SYNRG: variants seen among roughly 807,000 people sequenced by gnomAD.
The protein encoded by SYNRG is AP1 gamma subunit binding protein 1.
Under a neutral mutation model 130.9 loss-of-function variants are expected in SYNRG, and 37 were observed. The ratio of observed to expected loss-of-function variants is 0.28; its 90% CI spans 0.22 to 0.37. SYNRG has a LOEUF of 0.37. Ranked by LOEUF, SYNRG falls within the 10% of genes least tolerant of loss-of-function variation. SYNRG has a pLI of 1.00. For missense variants in SYNRG, 1,338 were observed against 1,588.9 expected (o/e 0.84, Z 2.68); for synonymous variants, 539 against 568.1 (o/e 0.95, Z 0.73).
At chr17:37,603,603 A>G (rs974065727) in intron 1 of SYNRG, among the ~76,000 whole-genome samples, 1 of 152,326 alleles carries the variant, frequency 6.6e-6, no homozygotes, top group Admixed American at 6.5e-5. Flanking sequence ...TTGCCATCAG[A>G]GCTCTTGGGT....
chr17:37,579,151 TGAGGCTGAAGCAGTA>T, intron 6 of SYNRG: 1 of 1,198,992 alleles, frequency 8.3e-7, no homozygotes, highest in South Asian at 1.6e-5. Flanking sequence ...GTACACTGTG[TGAGGCTGAAGCAGTA>T]GAGAAGTAAG....
In SYNRG at chr17:37,517,794, G is replaced by A. The variant is rs1568224729; in HGVS notation, c.*1146C>T. 1 of 151,854 alleles carries A rather than the reference G, an allele frequency of 6.6e-6. No homozygotes were observed. The highest frequency in any genetic ancestry group is 1.5e-5 in the Non-Finnish European group (1 of 67,994). 9.4% of individuals were successfully genotyped at this position (151,854 alleles called of 1,614,324 possible). A position where few individuals can be genotyped will look rare whatever the true frequency, so the allele number is the denominator to read the frequency against. On this transcript the variant is annotated 3_prime_UTR_variant, in exon 22 of 22. Transcript: ENST00000612223. ...GAGAGACGTGTGCCCTAGATTGGTAGTTCTTCCCAGGAATAACACAGCTCT... is the reference window on the plus strand; with the variant it reads ...GAGAGACGTGTGCCCTAGATTGGTAATTCTTCCCAGGAATAACACAGCTCT...
chr17:37,538,289 C>A, intron 18 of SYNRG, 35 bp downstream of exon 18: 1 of 1,440,072 alleles, frequency 6.9e-7, no homozygotes, highest in Non-Finnish European at 9.5e-7. Flanking sequence ...TGCAAAGGGC[C>A]ATCATTTTCA....
chr17:37,587,714 T>C (rs558491904), intron 3 of SYNRG, among the ~76,000 whole-genome samples: 16 of 152,336 alleles, frequency 1.1e-4, no homozygotes, highest in African/African-American at 3.8e-4. Flanking sequence ...ACGTCAACAA[T>C]CACCCACATG....
intron 14 of SYNRG, among the ~76,000 whole-genome samples, chr17:37,543,459 G>T (rs1474576733): frequency 1.3e-5 from 2 of 152,214 alleles, no homozygotes; most frequent in African/African-American, 2.4e-5. Context: ...GATTTGGAAA[G>T]ACCTGAGTTC....
At chr17:37,523,353 T>G (rs769663209) in intron 19 of SYNRG, among the ~76,000 whole-genome samples, 2 of 152,084 alleles carry the variant, frequency 1.3e-5, no homozygotes, top group African/African-American at 2.4e-5. Context: ...AGAGATGAGG[T>G]CTCGCTATGT....
At chr17:37,595,746 T>A (rs1375239068) in intron 3 of SYNRG, among the ~76,000 whole-genome samples, 1 of 151,684 alleles carries the variant, frequency 6.6e-6, no homozygotes, top group African/African-American at 2.4e-5. Context: ...AAACCTTTTT[T>A]TCCTCTGGCC....
At chr17:37,532,671 CAAAAA>C (rs56982337) in intron 19 of SYNRG, among the ~76,000 whole-genome samples, 5 of 79,138 alleles carry the variant, frequency 6.3e-5, no homozygotes, top group Admixed American at 1.5e-4. Context: ...AGATCTGTCT[CAAAAA>C]AAAAAAAAAA....
intron 19 of SYNRG, among the ~76,000 whole-genome samples, chr17:37,530,454 C>G (rs2056505306): frequency 6.6e-6 from 1 of 152,174 alleles, no homozygotes; most frequent in Admixed American, 6.5e-5. Context: ...TCACAGGCAC[C>G]CTCGGCACAT....
chr17:37,577,087 G>T (rs1053525104), intron 7 of SYNRG, among the ~76,000 whole-genome samples: 3 of 151,762 alleles, frequency 2.0e-5, no homozygotes, highest in Non-Finnish European at 4.4e-5. Context: ...TATAAGGGGG[G>T]AAAAAAGAGA....
intron 6 of SYNRG, among the ~76,000 whole-genome samples, chr17:37,583,596 T>C (rs181023187): frequency 1.4e-4 from 22 of 152,298 alleles, no homozygotes; most frequent in Admixed American, 4.6e-4. Context: ...CAGCAGAAGA[T>C]AGTACTTTCT....
intron 14 of SYNRG, among the ~76,000 whole-genome samples, chr17:37,545,303 G>A (rs2058182363): frequency 6.6e-6 from 1 of 152,126 alleles, no homozygotes; most frequent in Non-Finnish European, 1.5e-5. Flanking sequence ...GGGTGAGGCA[G>A]GAGAATCGCT....
chr17:37,552,378 C>T (rs1032901463), intron 14 of SYNRG, among the ~76,000 whole-genome samples: 18 of 152,112 alleles, frequency 1.2e-4, no homozygotes, highest in African/African-American at 4.3e-4. Context: ...TGTAAATCTA[C>T]ACAGAATTTA....
intron 6 of SYNRG, among the ~76,000 whole-genome samples, chr17:37,578,330 C>CA (rs549982569): frequency 2.8e-3 from 340 of 120,070 alleles, no homozygotes; most frequent in Middle Eastern, 0.014. Context: ...GACTCTGTCT[C>CA]AAAAAAAAAA....
At chr17:37,602,495 A>G (rs1211512363) in intron 1 of SYNRG, among the ~76,000 whole-genome samples, 9 of 152,366 alleles carry the variant, frequency 5.9e-5, no homozygotes, top group Admixed American at 2.6e-4. Context: ...ACTGAGAGTT[A>G]TAACTGAAGA....
chr17:37,607,977 A>AAAAAAAAAAAAAAAAC, intron 1 of SYNRG, among the ~76,000 whole-genome samples: 1 of 121,616 alleles, frequency 8.2e-6, no homozygotes, highest in Non-Finnish European at 1.6e-5. Flanking sequence ...AAAAAAAAAA[A>AAAAAAAAAAAAAAAAC]AAACAAGACA....
chr17:37,570,492 T>C, intron 10 of SYNRG, 145 bp downstream of exon 10: 1 of 1,084,798 alleles, frequency 9.2e-7, no homozygotes, highest in South Asian at 1.9e-5. Flanking sequence ...TAATTTCAGG[T>C]TTAGCAGTTT....
chr17:37,604,733 T>C (rs2063597558), intron 1 of SYNRG, among the ~76,000 whole-genome samples: 3 of 152,212 alleles, frequency 2.0e-5, no homozygotes, highest in Non-Finnish European at 4.4e-5. Context: ...CTAAGCTTTA[T>C]CATTTCTAGC....
rs1169327191 is a variant in SYNRG, at chr17:37,571,826, GTTC to G, written c.1060_1062del (p.Glu354del). 2 of 1,614,100 alleles carry G rather than the reference GTTC, an allele frequency of 1.2e-6. No homozygotes were observed. The highest frequency in any genetic ancestry group is 1.7e-6 in the Non-Finnish European group (2 of 1,180,018). On this transcript the variant is annotated inframe_deletion, in exon 9 of 22. Coordinates refer to ENST00000612223, the MANE Select transcript of SYNRG (RefSeq NM_007247.6). ...GCTATCATGGCTAGAACGGTATAAAGTTCTTCTTTTGTAAGTTTGCCAGGTGTA... is the reference window on the plus strand; with the variant it reads ...GCTATCATGGCTAGAACGGTATAAAGTTCTTTTGTAAGTTTGCCAGGTGTA...
Sources: allele counts gnomAD v4.1 joint callset (sites outside exome capture counted in the v4.1 genomes callset), GRCh38; gene constraint gnomAD v4.1.1; transcripts MANE v1.5; gene names NCBI Gene and HGNC (gene_info 2026-07-23, HGNC 2026-07-21).